CLVS2: variants seen among roughly 807,000 people sequenced by gnomAD.
The protein encoded by CLVS2 is clavesin-2.
In CLVS2, 19 loss-of-function variants were observed where a neutral mutation model predicts 29.0. The ratio of observed to expected loss-of-function variants is 0.66; its 90% CI spans 0.46 to 0.96. The LOEUF (loss-of-function observed/expected upper bound fraction) is 0.96, where lower values mean the gene tolerates loss of function less well. Ranked by LOEUF, CLVS2 falls within the 40% of genes least tolerant of loss-of-function variation. The pLI, the probability that CLVS2 is intolerant of heterozygous loss-of-function variation, is 0.00. For synonymous variants in CLVS2, 161 were observed against 151.3 expected (o/e 1.06, Z -0.47); for missense variants, 294 against 404.1 (o/e 0.73, Z 2.34).
chr6:123,061,835 T>C (rs1405140359), intron 5 of CLVS2, among the ~76,000 whole-genome samples: 4 of 152,098 alleles, frequency 2.6e-5, no homozygotes, highest in Non-Finnish European at 5.9e-5. Context: ...TGGTATGTAC[T>C]TATGGAATAT....
chr6:123,069,972 T>C lies in CLVS2; in HGVS notation c.*6211T>C, dbSNP rs1772917689. ...GCCACTTAAGAAAAAAATCCTATGT[T>C]ATACATATATGAACATAATTCACTT... On this transcript the variant is annotated 3_prime_UTR_variant, in exon 6 of 6. Transcript: ENST00000275162. The C allele has an allele frequency of 2.0e-5, 3 of 151,984 alleles. No homozygotes were observed. The South Asian group carries it at 6.2e-4, about 31-fold the overall frequency. 9.4% of individuals were successfully genotyped at this position (151,984 alleles called of 1,614,324 possible).
At chr6:123,051,020 T>A (rs1468525227) in intron 4 of CLVS2, among the ~76,000 whole-genome samples, 1 of 152,106 alleles carries the variant, frequency 6.6e-6, no homozygotes, top group African/African-American at 2.4e-5. Context: ...TATGAGAAAA[T>A]AATTATATAT....
chr6:123,020,306 A>C (rs1053367253), intron 3 of CLVS2, among the ~76,000 whole-genome samples: 1 of 152,084 alleles, frequency 6.6e-6, no homozygotes, highest in Non-Finnish European at 1.5e-5. Context: ...ATGTTTCAAC[A>C]ATCATTTCCT....
intron 4 of CLVS2, among the ~76,000 whole-genome samples, chr6:123,050,798 T>C (rs1226761314): frequency 1.3e-5 from 2 of 152,298 alleles, no homozygotes; most frequent in East Asian, 3.9e-4. Flanking sequence ...TTACTTGTTC[T>C]GAAATGATTT....
intron 3 of CLVS2, among the ~76,000 whole-genome samples, chr6:123,032,824 A>G (rs1191721568): frequency 6.6e-6 from 1 of 152,110 alleles, no homozygotes; most frequent in Non-Finnish European, 1.5e-5. Flanking sequence ...GCTTGATTAT[A>G]TCGGCCTTTA....
intron 3 of CLVS2, among the ~76,000 whole-genome samples, chr6:123,041,532 C>T (rs1411787080): frequency 6.6e-6 from 1 of 152,078 alleles, no homozygotes; most frequent in Non-Finnish European, 1.5e-5. Context: ...CTGCAGATCT[C>T]TATAATGGGA....
intron 3 of CLVS2, among the ~76,000 whole-genome samples, chr6:123,032,961 A>G (rs1389099418): frequency 6.6e-6 from 1 of 152,084 alleles, no homozygotes; most frequent in African/African-American, 2.4e-5. Context: ...TTGTTTCTTT[A>G]TATAGGTAAG....
Position 122,997,391 on chromosome 6 carries a change from G to A in CLVS2, c.-387G>A, listed in dbSNP as rs925843401. 3.7e-5 allele frequency: 8 copies of A among 217,314 alleles called. No homozygotes were observed. The highest frequency in any genetic ancestry group is 2.0e-3 in the Middle Eastern group (1 of 508). 13.5% of individuals were successfully genotyped at this position (217,314 alleles called of 1,614,324 possible). On this transcript the variant is annotated 5_prime_UTR_variant, in exon 2 of 6. Transcript: ENST00000275162. ...TTTTGTTACATCTTGGAAGAGAAGA[G>A]AAGAGGACAGTACCAAGATCAGAAA...
In CLVS2 at chr6:123,063,919, A is replaced by G. The variant is rs186236491; in HGVS notation, c.*158A>G. 4 of 457,006 alleles carry G rather than the reference A, an allele frequency of 8.8e-6. No individual in the cohort carries two copies. The highest frequency in any genetic ancestry group is 8.1e-5 in the Admixed American group (2 of 24,784). 28.3% of individuals were successfully genotyped at this position (457,006 alleles called of 1,614,324 possible). Reference sequence around the variant, plus strand: ...CATCAGGCTTTCCTTGGCCTGAACCATGGGGGCCCTGGGCTGGATTTTTAA... The same window carrying G: ...CATCAGGCTTTCCTTGGCCTGAACCGTGGGGGCCCTGGGCTGGATTTTTAA... On this transcript the variant is annotated 3_prime_UTR_variant, in exon 6 of 6. Coordinates refer to ENST00000275162, the MANE Select transcript of CLVS2 (RefSeq NM_001010852.4).
intron 3 of CLVS2, among the ~76,000 whole-genome samples, chr6:123,024,076 G>A (rs1356731651): frequency 6.6e-6 from 1 of 152,054 alleles, no homozygotes; most frequent in Non-Finnish European, 1.5e-5. Context: ...TAATTAATCA[G>A]CCAAACCTGG....
intron 3 of CLVS2, among the ~76,000 whole-genome samples, chr6:123,039,230 G>A (rs911253318): frequency 1.3e-5 from 2 of 152,062 alleles, no homozygotes; most frequent in Admixed American, 1.3e-4. Flanking sequence ...CTAAATGTGT[G>A]TTATCTAAAG....
intron 3 of CLVS2, among the ~76,000 whole-genome samples, chr6:123,046,844 G>A (rs750343202): frequency 7.2e-5 from 11 of 152,030 alleles, no homozygotes; most frequent in African/African-American, 1.2e-4. Flanking sequence ...TTCCATGTGC[G>A]TTGCTGAACT....
intron 2 of CLVS2, among the ~76,000 whole-genome samples, chr6:123,004,289 G>T (rs1043094995): frequency 2.0e-5 from 3 of 151,966 alleles, no homozygotes; most frequent in African/African-American, 7.2e-5. Context: ...TTCTTTACCC[G>T]TCTTCTTCAG....
intron 4 of CLVS2, among the ~76,000 whole-genome samples, chr6:123,049,025 C>CTA (rs1234243815): frequency 2.0e-5 from 3 of 152,120 alleles, no homozygotes; most frequent in Non-Finnish European, 4.4e-5. Flanking sequence ...TGCCATGTTA[C>CTA]TATAGTGTTA....
At chr6:123,063,016 C>A (rs1177260144) in intron 5 of CLVS2, among the ~76,000 whole-genome samples, 2 of 152,198 alleles carry the variant, frequency 1.3e-5, no homozygotes, top group Non-Finnish European at 2.9e-5. Flanking sequence ...AAATTATGTG[C>A]TTTCCTAATC....
At chr6:123,041,227 G>A (rs1775228377) in intron 3 of CLVS2, among the ~76,000 whole-genome samples, 1 of 152,082 alleles carries the variant, frequency 6.6e-6, no homozygotes, top group South Asian at 2.1e-4. Context: ...CAGTCATCTT[G>A]AGTAGAAGTT....
chr6:123,014,701 G>A (rs1209112824), intron 3 of CLVS2, among the ~76,000 whole-genome samples: 1 of 152,058 alleles, frequency 6.6e-6, no homozygotes, highest in African/African-American at 2.4e-5. Context: ...CTGGATGTGT[G>A]CTGCCTTTCT....
rs1772964579 is a variant in CLVS2 at position 123,072,526 on chromosome 6, T to A, written c.*8765T>A. On this transcript the variant is annotated 3_prime_UTR_variant, in exon 6 of 6. Transcript: ENST00000275162. Reference sequence around the variant, plus strand: ...CAGAATTTCCTTATGTTTCTTAATATTTGATCCTTGATAGTCTGTACAGTG... The same window carrying A: ...CAGAATTTCCTTATGTTTCTTAATAATTGATCCTTGATAGTCTGTACAGTG... 6.6e-6 allele frequency: 1 copy of A among 152,108 alleles called. No individual in the cohort carries two copies. The highest frequency in any genetic ancestry group is 1.5e-5 in the Non-Finnish European group (1 of 67,994). 9.4% of individuals were successfully genotyped at this position (152,108 alleles called of 1,614,324 possible).
rs1461015982 is a variant in CLVS2 at position 123,072,737 on chromosome 6, T to C, written c.*8976T>C. The C allele has an allele frequency of 3.3e-5, 5 of 152,138 alleles. No individual in the cohort carries two copies. Among genetic ancestry groups the C allele is most frequent in the African/African-American group, 1.2e-4 (5 of 41,454 alleles). 9.4% of individuals were successfully genotyped at this position (152,138 alleles called of 1,614,324 possible). A position where few individuals can be genotyped will look rare whatever the true frequency, so the allele number is the denominator to read the frequency against. On this transcript the variant is annotated 3_prime_UTR_variant, in exon 6 of 6. Transcript: ENST00000275162. Reference sequence around the variant, plus strand: ...TGAATTCTAAGGGTATGTTCCTTGGTAAATTGTGTTAATTATGTCCACTTT... The same window carrying C: ...TGAATTCTAAGGGTATGTTCCTTGGCAAATTGTGTTAATTATGTCCACTTT...
Sources: allele counts gnomAD v4.1 joint callset (sites outside exome capture counted in the v4.1 genomes callset), GRCh38; gene constraint gnomAD v4.1.1; transcripts MANE v1.5; gene names NCBI Gene and HGNC (gene_info 2026-07-23, HGNC 2026-07-21).